FLNA: variants seen among roughly 807,000 people sequenced by gnomAD.
FLNA encodes the protein filamin-A.
A neutral mutation model predicts 157.6 loss-of-function variants in FLNA; 7 were observed. The observed-to-expected ratio is 0.04, with a 90% CI of 0.03 to 0.08. The LOEUF (loss-of-function observed/expected upper bound fraction) is 0.08, where lower values mean the gene tolerates loss of function less well. FLNA is among the 10% of genes least tolerant of loss of function. The pLI is 1.00. For synonymous variants in FLNA, 1,103 were observed against 1,060.8 expected, an observed-to-expected ratio of 1.04 and a Z score of -0.77; for missense variants, 1,750 against 2,398.4, an observed-to-expected ratio of 0.73 and a Z score of 5.65.
chrX:154,361,084 G>GAAAAA (rs374641129), intron 21 of FLNA, among the ~76,000 whole-genome samples: 4 of 52,487 alleles, frequency 7.6e-5, no homozygotes, highest in Admixed American at 2.7e-4. Flanking sequence ...AAAAAAGAAA[G>GAAAAA]AAAAAAAAAA....
At chrX:154,352,151 A>G in intron 41 of FLNA, 30 bp downstream of exon 41, 1 of 1,209,199 alleles carries the variant, frequency 8.3e-7, no homozygotes. Flanking sequence ...AACGCAGGAG[A>G]GCGAGCACTC....
At chrX:154,370,329 T>G (rs5987248) in intron 2 of FLNA, among the ~76,000 whole-genome samples, 3,402 of 111,372 alleles carry the variant, frequency 0.031, 112 homozygotes, top group African/African-American at 0.095. Flanking sequence ...TGTGTGTGTG[T>G]GGGGGGGTAG....
chrX:154,351,791 A>T, intron 42 of FLNA, 93 bp downstream of exon 42: 1 of 1,147,036 alleles, frequency 8.7e-7, no homozygotes, highest in Non-Finnish European at 1.2e-6. Flanking sequence ...CAAAGTGAAG[A>T]GTGAGTGCCA....
intron 34 of FLNA, 38 bp from the exon 35 acceptor site, chrX:154,354,081 C>T (rs781832064): frequency 1.7e-6 from 2 of 1,211,852 alleles, no homozygotes; most frequent in Admixed American, 2.2e-5. Flanking sequence ...ATGGCAGCCT[C>T]GTGTGTCCCC....
rs1344857649 is a variant in FLNA, at chrX:154,362,866, A to G, written c.2281-82T>C. 1.1e-5 allele frequency: 12 copies of G among 1,059,276 alleles called. No homozygotes were observed. The East Asian group carries it at 1.7e-4, about 15-fold the overall frequency. The allele number at this position is 1,059,276 out of a possible 1,213,427, so 87.3% of individuals were successfully genotyped here. A position where few individuals can be genotyped will look rare whatever the true frequency, so the allele number is the denominator to read the frequency against. On this transcript the variant is annotated intron_variant, in intron 15 of 47. Transcript: ENST00000369850. Reference sequence around the variant, plus strand: ...CTCCCTCAGCTACACTGGCAGGCACACAAAATGGTCCAGCTGCCTTGGGAA... The same window carrying G: ...CTCCCTCAGCTACACTGGCAGGCACGCAAAATGGTCCAGCTGCCTTGGGAA...
In FLNA at chrX:154,348,753, G is replaced by T; in HGVS notation, c.*96C>A. On this transcript the variant is annotated 3_prime_UTR_variant, in exon 48 of 48. Coordinates refer to ENST00000369850, the MANE Select transcript of FLNA (RefSeq NM_001110556.2). ...GGGCGGCTGCAGTGACAGGCGGGCG[G>T]CCAGGGCGGCCTGGGCCGGGGTTGA... The T allele has an allele frequency of 2.4e-6, 2 of 850,196 alleles. No homozygotes were observed. The highest frequency in any genetic ancestry group is 3.2e-6 in the Non-Finnish European group (2 of 616,977). 70.1% of individuals were successfully genotyped at this position (850,196 alleles called of 1,213,427 possible). A position where few individuals can be genotyped will look rare whatever the true frequency, so the allele number is the denominator to read the frequency against.
intron 29 of FLNA, 35 bp downstream of exon 29, chrX:154,357,399 C>T (rs781799148): frequency 1.0e-5 from 12 of 1,201,377 alleles, no homozygotes; most frequent in African/African-American, 1.7e-5. Flanking sequence ...AGCCCCGTGC[C>T]GAGCGCCGCA....
chrX:154,361,389 C>T lies in FLNA; in HGVS notation c.3126G>A (p.Glu1042=). 3.3e-6 allele frequency: 4 copies of T among 1,210,706 alleles called. No homozygotes were observed. The highest frequency in any genetic ancestry group is 4.5e-6 in the Non-Finnish European group (4 of 895,284). ...RFLPREEGPY[E]VEVTYDGVPV... ...GCACGCCGTCATAGGTCACCTCCAC[C>T]TCATAGGGCCCTTCCTCACGGGGCA... is the stretch of plus-strand genomic sequence containing the variant. Residue 1042 remains glutamate, a synonymous_variant, in exon 21 of 48, where the codon GAG becomes GAA. Transcript: ENST00000369850.
Position 154,353,203 on chromosome X carries a change from C to A in FLNA, c.6024G>T (p.Gly2008=). Residue 2008 remains glycine (G), a splice_region_variant and synonymous_variant, in exon 38 of 48, where the codon GGG becomes GGT. Transcript: ENST00000369850. The stretch of plus-strand genomic sequence containing the variant: ...CCGTCTCCTTGGGCACGAATGAAAT[C>A]CCTGGACACAGGGCATGGCTGTCAG... The part of the protein sequence containing the change: ...LLKRLRNGHV[G]ISFVPKETGE... 1 of 1,211,701 alleles carries A rather than the reference C, an allele frequency of 8.3e-7. No homozygotes were observed.
rs782469665 is a variant in FLNA at position 154,354,983 on chromosome X, T to C, written c.5059A>G (p.Thr1687Ala). The C allele has an allele frequency of 5.8e-6, 7 of 1,211,243 alleles. No individual in the cohort carries two copies. The Admixed American group carries it at 1.5e-4, about 26-fold the overall frequency. The change falls in exon 31 of 48, where the codon ACC becomes GCC. Residue 1687 changes from threonine to alanine, a missense_variant. This residue lies in a region of FLNA where 970 missense variants were observed against 1,302.6 expected (regional missense o/e 0.74). Transcript: ENST00000369850. ...KAAGKGKVTC[T>A]VCTPDGSEVD... ...TCTGAGCCATCAGGCGTGCACACGG[T>C]GCACGTCACTTTGCCTTTGCCTGCC...
intron 30 of FLNA, among the ~76,000 whole-genome samples, chrX:154,356,907 G>A (rs1198374617): frequency 2.7e-5 from 3 of 112,348 alleles, no homozygotes; most frequent in Non-Finnish European, 5.6e-5. Context: ...AGCCCACGCA[G>A]GAGCCCTTGT....
intron 30 of FLNA, among the ~76,000 whole-genome samples, chrX:154,355,627 TGGGAGCGGGGAAGC>T (rs1287634422): frequency 1.8e-5 from 2 of 110,546 alleles, no homozygotes; most frequent in African/African-American, 6.6e-5. Context: ...CAGACAGGAG[TGGGAGCGGGGAAGC>T]GGGAGGCAGC....
rs781878852 is a variant in FLNA, at chrX:154,350,020, G to C, written c.7333+11C>G. 1.7e-6 allele frequency: 2 copies of C among 1,210,321 alleles called. No individual in the cohort carries two copies. The highest frequency in any genetic ancestry group is 2.2e-6 in the Non-Finnish European group (2 of 894,476). On this transcript the variant is annotated intron_variant, in intron 45 of 47. Transcript: ENST00000369850. ...CTGTGTGCACACGTGCAGCCGCACC[G>C]ACAGACTTACCTGTGACACCGCCTT...
intron 20 of FLNA, 21 bp downstream of exon 20, chrX:154,361,649 A>C: frequency 1.7e-6 from 2 of 1,203,768 alleles, no homozygotes; most frequent in Non-Finnish European, 2.3e-6. Context: ...GGCCTTTGCG[A>C]CAAGGGCCCC....
Position 154,349,477 on chromosome X carries a change from A to G in FLNA, c.7641T>C (p.His2547=). 1 of 1,211,727 alleles carries G rather than the reference A, an allele frequency of 8.3e-7. No homozygotes were observed. Among genetic ancestry groups the G allele is most frequent in the Non-Finnish European group, 1.1e-6 (1 of 895,248 alleles). Residue 2547 remains histidine (H), a synonymous_variant, in exon 47 of 48, where the codon CAT becomes CAC. Transcript: ENST00000369850. ...SLTKATCAPQ[H]GAPGPGPADA... ...CAGCAGGCCCAGGACCCGGGGCCCC[A>G]TGCTGGGGGGCACAGGTGGCCTTGG...
In FLNA at chrX:154,361,801, AGAAGG is replaced by A; in HGVS notation, c.2827-19_2827-15del. On this transcript the variant is annotated splice_polypyrimidine_tract_variant and intron_variant, in intron 19 of 47. Transcript: ENST00000369850. ...GCCTACTGGACCCTGGGAAGGGTGCAGAAGGGAAGGGGGTATTTAGAGACACCAGA... is the reference window on the plus strand; with the variant it reads ...GCCTACTGGACCCTGGGAAGGGTGCAGAAGGGGGTATTTAGAGACACCAGA... The A allele has an allele frequency of 8.6e-7, 1 of 1,168,123 alleles. No individual in the cohort carries two copies. Among genetic ancestry groups the A allele is most frequent in the Non-Finnish European group, 1.2e-6 (1 of 856,531 alleles).
rs12007167 is a variant in FLNA at position 154,363,833 on chromosome X, A to G, written c.2280+189T>C. ...AAAGAAGCCAGACACAAAAGGCCACATGGCACACAGTTCCATCTATAGAAC... is the reference window on the plus strand; with the variant it reads ...AAAGAAGCCAGACACAAAAGGCCACGTGGCACACAGTTCCATCTATAGAAC... On this transcript the variant is annotated intron_variant, in intron 15 of 47. Coordinates refer to ENST00000369850, the MANE Select transcript of FLNA (RefSeq NM_001110556.2). Among the ~76,000 whole-genome samples, 42,542 of 111,760 alleles carry G rather than the reference A, an allele frequency of 0.38. 8,482 individuals carry two copies. Among genetic ancestry groups the G allele is most frequent in the African/African-American group, 0.78 (24,009 of 30,610 alleles).
chrX:154,350,044 T>G lies in FLNA; in HGVS notation c.7320A>C (p.Glu2440Asp). ...GLVSAYGAGL[E>D]GGVTGNPAEF... Reference sequence around the variant, plus strand: ...CGACAGACTTACCTGTGACACCGCCTTCCAGACCTGCTCCGTAAGCAGACA... The same window carrying G: ...CGACAGACTTACCTGTGACACCGCCGTCCAGACCTGCTCCGTAAGCAGACA... The change falls in exon 45 of 48, where the codon GAA becomes GAC. Residue 2440 changes from glutamate (E) to aspartate (D), a missense_variant. Physicochemically the swap from Glu to Asp is conservative, Grantham distance 45. Around this residue, in one of 5 missense-constraint regions of FLNA, gnomAD observed 970 missense variants for 1,302.6 expected, o/e 0.74. Coordinates refer to ENST00000369850, the MANE Select transcript of FLNA (RefSeq NM_001110556.2). The G allele has an allele frequency of 8.3e-7, 1 of 1,211,491 alleles. No individual in the cohort carries two copies. The highest frequency in any genetic ancestry group is 1.1e-6 in the Non-Finnish European group (1 of 895,358).
intron 1 of FLNA, among the ~76,000 whole-genome samples, chrX:154,372,731 T>G (rs1182110209): frequency 9.2e-6 from 1 of 108,708 alleles, no homozygotes; most frequent in Non-Finnish European, 1.9e-5. Context: ...TCTGAGTGTT[T>G]TTTTTTTTTT....
Sources: gnomAD v4.1 joint callset for allele counts (sites outside exome capture counted in the v4.1 genomes callset) on GRCh38, gnomAD v4.1.1 for gene constraint, gnomAD v4.1.1 regional missense constraint, MANE v1.5 for transcripts, NCBI Gene and HGNC (gene_info 2026-07-23, HGNC 2026-07-21) for gene names.